GNS: variants seen among roughly 807,000 people sequenced by gnomAD.
GNS encodes glucosamine (N-acetyl)-6-sulfatase, also known as N-acetylglucosamine-6-sulfatase.
GNS carries 40 observed loss-of-function variants against 69.7 expected under a neutral mutation model. The ratio of observed to expected loss-of-function variants is 0.57; its 90% CI spans 0.45 to 0.75. The LOEUF is 0.75. GNS is among the 30% of genes least tolerant of loss of function. GNS has a pLI of 0.00. For synonymous variants in GNS, 243 were observed against 251.6 expected, an observed-to-expected ratio of 0.97 and a Z score of 0.32; for missense variants, 565 against 685.5, an observed-to-expected ratio of 0.82 and a Z score of 1.96.
At chr12:64,733,289 C>A (rs1373641554) in intron 9 of GNS, among the ~76,000 whole-genome samples, 4 of 123,238 alleles carry the variant, frequency 3.2e-5, no homozygotes, top group African/African-American at 1.4e-4. Context: ...CAGAGCAAGA[C>A]CCTGTCTCAA....
At chr12:64,745,117 G>C (rs1355708093) in intron 4 of GNS, among the ~76,000 whole-genome samples, 1 of 148,966 alleles carries the variant, frequency 6.7e-6, no homozygotes, top group Non-Finnish European at 1.5e-5. Flanking sequence ...GCCAGAAGTA[G>C]ATCAGGTAGA....
rs556046984 is a variant in GNS at position 64,729,212 on chromosome 12, T to A, written c.1099-155A>T. 12 of 658,182 alleles carry A rather than the reference T, an allele frequency of 1.8e-5. No homozygotes were observed. In the East Asian group the frequency reaches 3.3e-4, roughly 18 times the overall value. 40.8% of individuals were successfully genotyped at this position (658,182 alleles called of 1,614,324 possible). On this transcript the variant is annotated intron_variant, in intron 9 of 13. Coordinates refer to ENST00000258145, the MANE Select transcript of GNS (RefSeq NM_002076.4). ...CTTTGGTCTGTTTCATAGATCCAAATATAACTATAATAACTTCAAACAAAA... is the reference window on the plus strand; with the variant it reads ...CTTTGGTCTGTTTCATAGATCCAAAAATAACTATAATAACTTCAAACAAAA...
At position 64,743,126 on chromosome 12, in the gene GNS, G is replaced by A. The variant is rs776263920; in HGVS notation, c.792+15C>T. On this transcript the variant is annotated intron_variant, in intron 6 of 13. Coordinates refer to ENST00000258145, the MANE Select transcript of GNS (RefSeq NM_002076.4). Reference sequence around the variant, plus strand: ...ATACTTAGTATGGCTGAATACAAGTGGTGGGGGAAGCTACCGTTCCATGGA... The same window carrying A: ...ATACTTAGTATGGCTGAATACAAGTAGTGGGGGAAGCTACCGTTCCATGGA... 2 of 1,589,994 alleles carry A rather than the reference G, an allele frequency of 1.3e-6. No individual in the cohort carries two copies. Among genetic ancestry groups the A allele is most frequent in the African/African-American group, 1.3e-5 (1 of 74,522 alleles).
chr12:64,745,272 T>G (rs1474531674), intron 4 of GNS, among the ~76,000 whole-genome samples: 1 of 134,286 alleles, frequency 7.4e-6, no homozygotes, highest in Non-Finnish European at 1.5e-5. Flanking sequence ...CAGACTGGAA[T>G]GCAGTGGCAC....
At chr12:64,729,143 C>A in intron 9 of GNS, 86 bp from the exon 10 acceptor site, 2 of 769,880 alleles carry the variant, frequency 2.6e-6, no homozygotes, top group Non-Finnish European at 4.7e-6. Context: ...TCCCCCCACC[C>A]CGCCCATGAG....
chr12:64,745,810 G>T, intron 3 of GNS, 86 bp from the exon 4 acceptor site: 1 of 845,608 alleles, frequency 1.2e-6, no homozygotes, highest in Non-Finnish European at 2.0e-6. Context: ...AATCTTTTTA[G>T]ACCAGTGCCT....
intron 3 of GNS, among the ~76,000 whole-genome samples, chr12:64,747,504 C>T (rs1300479097): frequency 2.6e-5 from 4 of 152,146 alleles, no homozygotes; most frequent in Non-Finnish European, 4.4e-5. Context: ...TATAAATACA[C>T]AAGTTCTTAC....
rs1041395672 is a variant in GNS, at chr12:64,716,775, A to T, written c.1625T>A (p.Val542Asp). The T allele has an allele frequency of 2.5e-6, 4 of 1,613,634 alleles. No homozygotes were observed. Among genetic ancestry groups the T allele is most frequent in the Non-Finnish European group, 3.4e-6 (4 of 1,179,514 alleles). The change falls in exon 14 of 14, where the codon GTC (valine) becomes GAC (aspartate). Residue 542 changes from valine to aspartate, a missense_variant. Around this residue, in one of 2 missense-constraint regions of GNS, gnomAD observed 384 missense variants for 511.0 expected, o/e 0.75. Transcript: ENST00000258145. Reference sequence around the variant, plus strand: ...ATGTTTGGAAAATCTTCGAGTCCTGACACTGCCGCGATTGCTGAACATGAG... The same window carrying T: ...ATGTTTGGAAAATCTTCGAGTCCTGTCACTGCCGCGATTGCTGAACATGAG... Reference protein sequence around the residue: ...PRLMFSNRGSVRTRRFSKHLL With the variant: ...PRLMFSNRGSDRTRRFSKHLL
Position 64,715,126 on chromosome 12 carries a change from C to T in GNS, c.*1615G>A, listed in dbSNP as rs562877590. 6.5e-6 allele frequency: 1 copy of T among 152,768 alleles called. No individual in the cohort carries two copies. Among genetic ancestry groups the T allele is most frequent in the South Asian group, 2.1e-4 (1 of 4,826 alleles). 9.5% of individuals were successfully genotyped at this position (152,768 alleles called of 1,614,324 possible). A position where few individuals can be genotyped will look rare whatever the true frequency, so the allele number is the denominator to read the frequency against. ...CCTGAGTTGAACAAGTTACAAACCA[C>T]AGCTCTTCCTCCTCCCCTGCTGTCT... is the stretch of plus-strand genomic sequence containing the variant. On this transcript the variant is annotated 3_prime_UTR_variant, in exon 14 of 14. Coordinates refer to ENST00000258145, the MANE Select transcript of GNS (RefSeq NM_002076.4).
At chr12:64,753,752 A>G (rs1455449433) in intron 1 of GNS, among the ~76,000 whole-genome samples, 3 of 152,216 alleles carry the variant, frequency 2.0e-5, no homozygotes, top group Admixed American at 2.0e-4. Flanking sequence ...CATAAACTCA[A>G]AAGGATGAGG....
Position 64,745,722 on chromosome 12 carries a change from G to A in GNS, c.462C>T (p.Tyr154=), listed in dbSNP as rs139536679. The A allele has an allele frequency of 2.1e-5, 34 of 1,595,320 alleles. No homozygotes were observed. The highest frequency in any genetic ancestry group is 2.0e-4 in the South Asian group (18 of 90,730). ...TFFAGKYLNE[Y]GAPDAGGLEH... The stretch of plus-strand genomic sequence containing the variant: ...CTAGTCCACCTGCATCTGGGGCTCC[G>A]TACTGAAAAGCAAAACAAGTAGGGA... Residue 154 remains tyrosine (Y), a splice_region_variant and synonymous_variant, in exon 4 of 14, where the codon TAC becomes TAT. Transcript: ENST00000258145.
chr12:64,741,028 G>A (rs1869713724), intron 6 of GNS, among the ~76,000 whole-genome samples: 1 of 152,054 alleles, frequency 6.6e-6, no homozygotes, highest in African/African-American at 2.4e-5. Context: ...CTGATCTTAT[G>A]CCTTTGGTCT....
intron 9 of GNS, 100 bp downstream of exon 9, chr12:64,736,903 AG>A (rs1207515370): frequency 1.3e-6 from 1 of 753,768 alleles, no homozygotes; most frequent in East Asian, 2.5e-5. Flanking sequence ...GCTCAGCCCT[AG>A]TGGGAAGAGG....
intron 10 of GNS, among the ~76,000 whole-genome samples, chr12:64,728,098 T>G (rs972380172): frequency 1.3e-5 from 2 of 152,132 alleles, no homozygotes; most frequent in Non-Finnish European, 1.5e-5. Flanking sequence ...TTGTTTTTTG[T>G]ATTTTTAGTA....
chr12:64,719,679 G>C (rs1868963724), intron 13 of GNS, among the ~76,000 whole-genome samples: 1 of 152,180 alleles, frequency 6.6e-6, no homozygotes, highest in East Asian at 1.9e-4. Flanking sequence ...GGGAACAGGT[G>C]AACAGGGCAG....
In GNS at chr12:64,722,876, T is replaced by TA. The variant is rs1354276233; in HGVS notation, c.1308+129dup. 3 of 705,396 alleles carry TA rather than the reference T, an allele frequency of 4.3e-6. No homozygotes were observed. In the African/African-American group the frequency reaches 5.2e-5, roughly 12 times the overall value. 43.7% of individuals were successfully genotyped at this position (705,396 alleles called of 1,614,324 possible). On this transcript the variant is annotated intron_variant, in intron 11 of 13. Transcript: ENST00000258145. ...ACTGGATTTACCTTTGTCCATCTACTAACCACTCACAGTCAGTGACAAAGG... is the reference window on the plus strand; with the variant it reads ...ACTGGATTTACCTTTGTCCATCTACTAAACCACTCACAGTCAGTGACAAAGG...
chr12:64,722,997 A>G lies in GNS; in HGVS notation c.1308+9T>C, dbSNP rs1365824780. Reference sequence around the variant, plus strand: ...AAAGCTGTCTAAGTTGATTCAAGCTATTACTCACAGATACGCCAGGACTCA... The same window carrying G: ...AAAGCTGTCTAAGTTGATTCAAGCTGTTACTCACAGATACGCCAGGACTCA... On this transcript the variant is annotated intron_variant, in intron 11 of 13. Transcript: ENST00000258145. 5 of 1,496,860 alleles carry G rather than the reference A, an allele frequency of 3.3e-6. No individual in the cohort carries two copies. The South Asian group carries it at 3.4e-5, about 10-fold the overall frequency. The allele number at this position is 1,496,860 out of a possible 1,614,324, so 92.7% of individuals were successfully genotyped here. A position where few individuals can be genotyped will look rare whatever the true frequency, so the allele number is the denominator to read the frequency against.
chr12:64,723,170 C>G (rs1288453824), intron 10 of GNS, 57 bp from the exon 11 acceptor site: 3 of 1,073,946 alleles, frequency 2.8e-6, no homozygotes, highest in African/African-American at 3.1e-5. Flanking sequence ...ATAAAGATCA[C>G]AAAGTAATTG....
rs758461272 is a variant in GNS, at chr12:64,744,959, A to G, written c.526-52T>C. 44 of 826,700 alleles carry G rather than the reference A, an allele frequency of 5.3e-5. No homozygotes were observed. The Middle Eastern group carries it at 8.7e-4, about 16-fold the overall frequency. 51.2% of individuals were successfully genotyped at this position (826,700 alleles called of 1,614,324 possible). On this transcript the variant is annotated intron_variant, in intron 4 of 13. Coordinates refer to ENST00000258145, the MANE Select transcript of GNS (RefSeq NM_002076.4). ...GTTATGAGGTCAGTGCACAAAGTGG[A>G]AGTCTGAATCCGTGCTGGGCTAAAC...
Sources: allele counts gnomAD v4.1 joint callset (sites outside exome capture counted in the v4.1 genomes callset), GRCh38; gene constraint gnomAD v4.1.1; regional missense constraint gnomAD v4.1.1; transcripts MANE v1.5; gene names NCBI Gene and HGNC (gene_info 2026-07-23, HGNC 2026-07-21).